Variants in LINGO1 observed in about 807,000 individuals in gnomAD.
LINGO1 encodes the protein leucine rich repeat and Ig domain containing 1, also known as leucine-rich repeat and immunoglobulin-like domain-containing nogo receptor-interacting protein 1.
Under a neutral mutation model 37.3 loss-of-function variants are expected in LINGO1, and 11 were observed. That is an observed-to-expected ratio of 0.29 (90% confidence interval 0.19 to 0.49). The LOEUF (loss-of-function observed/expected upper bound fraction) is 0.49, where lower values mean the gene tolerates loss of function less well. Ranked by LOEUF, LINGO1 falls within the 20% of genes least tolerant of loss-of-function variation. The pLI is 0.99. For missense variants in LINGO1, 585 were observed against 878.2 expected (o/e 0.67, Z 4.22); for synonymous variants, 387 against 403.0 (o/e 0.96, Z 0.48).
chr15:77,742,848 G>C (rs1381761664), intron 1 of LINGO1, among the ~76,000 whole-genome samples: 1 of 152,200 alleles, frequency 6.6e-6, no homozygotes, highest in African/African-American at 2.4e-5. Context: ...GAAACAGCTG[G>C]AAGGGGAGGA....
chr15:77,634,815 G>A, upstream of LINGO1, among the ~76,000 whole-genome samples: 1 of 137,020 alleles, frequency 7.3e-6, no homozygotes, highest in South Asian at 2.8e-4. Flanking sequence ...CTCCCGCGCC[G>A]CCTCCTCCCA....
chr15:77,798,135 A>G (rs1456647833), intron 1 of LINGO1, among the ~76,000 whole-genome samples: 1 of 152,168 alleles, frequency 6.6e-6, no homozygotes, highest in African/African-American at 2.4e-5. Context: ...TGCATCTCCC[A>G]CTGGTTGTTG....
upstream of LINGO1, among the ~76,000 whole-genome samples, chr15:77,635,733 C>CCCTGGTGGCGTGCCT (rs1567476194): frequency 6.6e-6 from 1 of 152,242 alleles, no homozygotes; most frequent in African/African-American, 2.4e-5. Context: ...TCTCCCCAGA[C>CCCTGGTGGCGTGCCT]TGAAATGACA....
chr15:77,817,779 C>A (rs1241712920), intron 1 of LINGO1, among the ~76,000 whole-genome samples: 1 of 152,190 alleles, frequency 6.6e-6, no homozygotes, highest in East Asian at 1.9e-4. Context: ...TGGAAAAGGG[C>A]TGTCCTAAGA....
chr15:77,819,493 C>CGGA (rs1265327441), intron 1 of LINGO1: 155 of 151,870 alleles, frequency 1.0e-3, no homozygotes, highest in African/African-American at 3.7e-3. Context: ...CCCTGCGCGT[C>CGGA]CCGCTCCTGC....
chr15:77,706,837 CCT>C (rs1051460192), intron 2 of LINGO1, among the ~76,000 whole-genome samples: 1 of 152,222 alleles, frequency 6.6e-6, no homozygotes, highest in Non-Finnish European at 1.5e-5. Flanking sequence ...AGCAGGAATC[CCT>C]GCTGAGGAGC....
intron 2 of LINGO1, among the ~76,000 whole-genome samples, chr15:77,702,271 T>C (rs1208970556): frequency 6.6e-6 from 1 of 152,118 alleles, no homozygotes; most frequent in Non-Finnish European, 1.5e-5. Flanking sequence ...GTCTGCAACA[T>C]GAAGTGTCCA....
intron 3 of LINGO1, among the ~76,000 whole-genome samples, chr15:77,647,525 A>G (rs1269899099): frequency 6.6e-6 from 1 of 152,148 alleles, no homozygotes; most frequent in Non-Finnish European, 1.5e-5. Flanking sequence ...GGCAGGTGTG[A>G]GTGTAGAGGG....
intron 1 of LINGO1, among the ~76,000 whole-genome samples, chr15:77,755,694 G>A (rs1245485660): frequency 6.6e-6 from 1 of 152,126 alleles, no homozygotes; most frequent in Non-Finnish European, 1.5e-5. Flanking sequence ...ACCCCCACCT[G>A]CATTTCAGAT....
chr15:77,717,365 G>A (rs2075997116), intron 2 of LINGO1, among the ~76,000 whole-genome samples: 1 of 150,700 alleles, frequency 6.6e-6, no homozygotes, highest in Admixed American at 6.6e-5. Context: ...GGCAGAGGTG[G>A]GGGTGGCAGG....
intron 1 of LINGO1, among the ~76,000 whole-genome samples, chr15:77,768,153 T>C (rs959905485): frequency 1.3e-5 from 2 of 152,166 alleles, no homozygotes; most frequent in African/African-American, 4.8e-5. Context: ...TTCACTGTCC[T>C]GTGTACACCC....
At chr15:77,799,084 G>A (rs942004761) in intron 1 of LINGO1, among the ~76,000 whole-genome samples, 4 of 152,150 alleles carry the variant, frequency 2.6e-5, no homozygotes, top group Admixed American at 1.3e-4. Flanking sequence ...GGGTCACACA[G>A]AAAGTCAACC....
intron 2 of LINGO1, among the ~76,000 whole-genome samples, chr15:77,715,159 G>T (rs1388220891): frequency 1.3e-5 from 2 of 152,152 alleles, no homozygotes; most frequent in African/African-American, 4.8e-5. Context: ...GACACTTCAT[G>T]GCTGGCATGC....
At position 77,723,704 on chromosome 15, in the gene LINGO1, G is replaced by A. The variant is rs1037873960; in HGVS notation, c.-195+11288C>T. Among the ~76,000 whole-genome samples the A allele has an allele frequency of 1.6e-4, 24 of 152,102 alleles. 1 individual carries two copies. Among genetic ancestry groups the A allele is most frequent in the Admixed American group, 1.2e-3 (19 of 15,282 alleles). On this transcript the variant is annotated intron_variant, in intron 2 of 3. Transcript: ENST00000561686. ...CCAGGCCTGGGCATCCTGGAGGGAT[G>A]AGCAGCACAAAGTGCCACACCCAAG...
chr15:77,689,061 C>T (rs4886893), intron 2 of LINGO1, among the ~76,000 whole-genome samples: 26,195 of 152,014 alleles, frequency 0.17, 2,364 homozygotes, highest in Admixed American at 0.22. Flanking sequence ...GAAGAAGGGA[C>T]CTGAATTGGG....
upstream of LINGO1, among the ~76,000 whole-genome samples, chr15:77,697,158 A>G (rs74025393): frequency 0.054 from 8,200 of 152,270 alleles, 787 homozygotes; most frequent in African/African-American, 0.19. Flanking sequence ...TTCCTGGTGC[A>G]GGGCTGTGTA....
chr15:77,634,679 C>T (rs2074359101), upstream of LINGO1, among the ~76,000 whole-genome samples: 1 of 152,076 alleles, frequency 6.6e-6, no homozygotes, highest in South Asian at 2.1e-4. Context: ...CACAGGAGTC[C>T]CCCTCCCTGC....
intron 3 of LINGO1, among the ~76,000 whole-genome samples, chr15:77,660,472 T>C (rs2074966346): frequency 6.6e-6 from 1 of 152,126 alleles, no homozygotes; most frequent in Non-Finnish European, 1.5e-5. Context: ...AGAGTCTCCC[T>C]TGCTCTCCCG....
chr15:77,723,409 A>G (rs2076070704), intron 2 of LINGO1, among the ~76,000 whole-genome samples: 1 of 152,164 alleles, frequency 6.6e-6, no homozygotes. Flanking sequence ...TGTGGCCAGG[A>G]TGAAGGCGGT....
Sources: allele counts gnomAD v4.1 joint callset (sites outside exome capture counted in the v4.1 genomes callset), GRCh38; gene constraint gnomAD v4.1.1; transcripts MANE v1.5; gene names NCBI Gene and HGNC (gene_info 2026-07-23, HGNC 2026-07-21).